CXCL16: variants seen among roughly 807,000 people sequenced by gnomAD.
CXCL16 encodes the protein C-X-C motif chemokine ligand 16, also known as C-X-C motif chemokine 16.
CXCL16 carries 18 observed loss-of-function variants against 23.8 expected under a neutral mutation model. The ratio of observed to expected loss-of-function variants is 0.76; its 90% confidence interval spans 0.52 to 1.12. The LOEUF (loss-of-function observed/expected upper bound fraction) is 1.12. CXCL16 is among the 50% of genes most tolerant of loss of function. The pLI is 0.00. For synonymous variants in CXCL16, 123 were observed against 132.5 expected (o/e 0.93, Z 0.49); for missense variants, 297 against 315.4 (o/e 0.94, Z 0.44).
At position 4,738,448 on chromosome 17, in the gene CXCL16, G is replaced by C; in HGVS notation, c.261C>G (p.Asp87Glu). The change falls in exon 3 of 6, where the codon GAC becomes GAG. Residue 87 changes from aspartate to glutamate, a missense_variant. Transcript: ENST00000293778. The surrounding 1 kb of genome is among the most constrained non-coding windows in gnomAD (Gnocchi z 4.0). Reference protein sequence around the residue: ...LSWSVCGGNKDPWVQELMSCL... With the variant: ...LSWSVCGGNKEPWVQELMSCL... ...AGCTCATCAATTCCTGAACCCATGG[G>C]TCCTTGTTGCCCCCACACACGCTCC... The C allele has an allele frequency of 6.2e-7, 1 of 1,614,110 alleles. No homozygotes were observed. The highest frequency in any genetic ancestry group is 8.5e-7 in the Non-Finnish European group (1 of 1,179,948).
At position 4,738,383 on chromosome 17, in the gene CXCL16, C is replaced by T; in HGVS notation, c.301+25G>A. ...AGCTGCTAAGCCCTGGAGGCAGAGCCTGAAGAGCAGTGGAAAAGTCTCACC... is the reference window on the plus strand; with the variant it reads ...AGCTGCTAAGCCCTGGAGGCAGAGCTTGAAGAGCAGTGGAAAAGTCTCACC... On this transcript the variant is annotated intron_variant, in intron 3 of 5. Transcript: ENST00000293778. This position sits in a 1 kb window ranked among gnomAD's most constrained non-coding sequence, Gnocchi z 4.0. 6.3e-7 allele frequency: 1 copy of T among 1,593,754 alleles called. No homozygotes were observed. Among genetic ancestry groups the T allele is most frequent in the Admixed American group, 1.7e-5 (1 of 59,954 alleles).
chr17:4,734,719 T>C, intron 4 of CXCL16, 67 bp from the exon 5 acceptor site: 1 of 1,296,834 alleles, frequency 7.7e-7, no homozygotes, highest in South Asian at 1.2e-5. Context: ...GGATGATAGC[T>C]TGAACTAGGG....
chr17:4,738,148 A>T lies in CXCL16; in HGVS notation c.301+260T>A, dbSNP rs145205394. On this transcript the variant is annotated intron_variant, in intron 3 of 5. Transcript: ENST00000293778. This position sits in a 1 kb window ranked among gnomAD's most constrained non-coding sequence, Gnocchi z 4.0. The stretch of plus-strand genomic sequence containing the variant: ...CCATCTCAAAAAAATAAAATAAAAT[A>T]GTACTTTGATTTCAAGAAAAATATT... Among the ~76,000 whole-genome samples, 37 of 152,282 alleles carry T rather than the reference A, an allele frequency of 2.4e-4. No individual in the cohort carries two copies. Among genetic ancestry groups the T allele is most frequent in the African/African-American group, 7.5e-4 (31 of 41,558 alleles).
At chr17:4,735,065 G>A (rs548855958) in intron 4 of CXCL16, 27 bp downstream of exon 4, 4 of 1,581,988 alleles carry the variant, frequency 2.5e-6, no homozygotes, top group East Asian at 2.3e-5. Flanking sequence ...TGGGTCCCTG[G>A]GGGGAGGGTT....
intron 3 of CXCL16, among the ~76,000 whole-genome samples, chr17:4,736,972 C>G (rs1916170688): frequency 1.3e-5 from 2 of 151,992 alleles, no homozygotes; most frequent in African/African-American, 4.8e-5. Context: ...CACATGCCAC[C>G]ATGCCTGGCT....
chr17:4,737,342 CTG>C, intron 3 of CXCL16, among the ~76,000 whole-genome samples: 1 of 150,956 alleles, frequency 6.6e-6, no homozygotes, highest in Non-Finnish European at 1.5e-5. Flanking sequence ...CTTTGGGAGG[CTG>C]AGGCAGGTGG....
At position 4,734,604 on chromosome 17, in the gene CXCL16, G is replaced by T. The variant is rs370837718; in HGVS notation, c.*2C>A. On this transcript the variant is annotated 3_prime_UTR_variant, in exon 5 of 6. Transcript: ENST00000293778. Reference sequence around the variant, plus strand: ...TTACCCTCACAAGCTTCCATTCTTGGCTCAGGTATTAGAGTCAGGTGCCAC... The same window carrying T: ...TTACCCTCACAAGCTTCCATTCTTGTCTCAGGTATTAGAGTCAGGTGCCAC... The T allele has an allele frequency of 7.5e-6, 12 of 1,609,222 alleles. No individual in the cohort carries two copies. In the African/African-American group the frequency reaches 1.3e-4, roughly 18 times the overall value.
rs762603304 is a variant in CXCL16, at chr17:4,738,847, C to T, written c.153G>A (p.Ser51=). Residue 51 remains serine, a synonymous_variant, in exon 2 of 6, where the codon TCG becomes TCA. Transcript: ENST00000293778. This position sits in a 1 kb window ranked among gnomAD's most constrained non-coding sequence, Gnocchi z 4.0. ...GKRISSDSPP[S]VQFMNRLRKH... ...TCCGGAGACGATTCATGAACTGAAC[C>T]GATGGCGGGGAGTCGGAAGAAATTC... 1 of 1,614,172 alleles carries T rather than the reference C, an allele frequency of 6.2e-7. No homozygotes were observed. The highest frequency in any genetic ancestry group is 8.5e-7 in the Non-Finnish European group (1 of 1,180,012).
chr17:4,735,281 G>A lies in CXCL16; in HGVS notation c.529C>T (p.His177Tyr). ...PNETTIHTAGHSLAAGPEAGE... is the reference protein window; with the variant it reads ...PNETTIHTAGYSLAAGPEAGE... ...GCCTCAGGCCCAGCTGCCAGACTGT[G>A]GCCCGCAGTGTGAATGGTGGTTTCA... The change falls in exon 4 of 6, where the codon CAC (histidine) becomes TAC (tyrosine). Residue 177 changes from histidine to tyrosine, a missense_variant. Physicochemically the swap from His to Tyr is moderately conservative, Grantham distance 83. Coordinates refer to ENST00000293778, the MANE Select transcript of CXCL16 (RefSeq NM_001386809.1). 6.2e-7 allele frequency: 1 copy of A among 1,614,184 alleles called. No homozygotes were observed. The highest frequency in any genetic ancestry group is 8.5e-7 in the Non-Finnish European group (1 of 1,180,030).
At position 4,739,332 on chromosome 17, in the gene CXCL16, C is replaced by T. The variant is rs151229852; in HGVS notation, c.8G>A (p.Arg3Gln). 1 of 1,612,946 alleles carries T rather than the reference C, an allele frequency of 6.2e-7. No homozygotes were observed. The highest frequency in any genetic ancestry group is 1.3e-5 in the African/African-American group (1 of 74,894). Residue 3 changes from arginine to glutamine, a missense_variant, in exon 1 of 6, where the codon CGG becomes CAG. Physicochemically the swap from Arg to Gln is conservative, Grantham distance 43 (BLOSUM62 1). Transcript: ENST00000293778. This position sits in a 1 kb window ranked among gnomAD's most constrained non-coding sequence, Gnocchi z 5.3. MG[R>Q]DLRPGSRVLL... ...CACGCGGGACCCGGGCCGCAAGTCCCGTCCCATCTCGGGGCTCCGCGGACT... is the reference window on the plus strand; with the variant it reads ...CACGCGGGACCCGGGCCGCAAGTCCTGTCCCATCTCGGGGCTCCGCGGACT...
intron 3 of CXCL16, among the ~76,000 whole-genome samples, chr17:4,737,228 T>C (rs993950516): frequency 2.6e-5 from 4 of 152,194 alleles, no homozygotes; most frequent in Admixed American, 6.6e-5. Flanking sequence ...CTCTACTTAA[T>C]ATACATGCTG....
chr17:4,739,064 GC>G lies in CXCL16; in HGVS notation c.80-145del. On this transcript the variant is annotated intron_variant, in intron 1 of 5. Transcript: ENST00000293778. This position sits in a 1 kb window ranked among gnomAD's most constrained non-coding sequence, Gnocchi z 5.3. ...CCAGGCTCAACCCACACATCATCAC[GC>G]CCCCGACAACATCCATAATCCCGCC... 2.5e-6 allele frequency: 3 copies of G among 1,191,244 alleles called. No individual in the cohort carries two copies. The allele number at this position is 1,191,244 out of a possible 1,614,324, so 73.8% of individuals were successfully genotyped here.
Position 4,735,293 on chromosome 17 carries a change from G to A in CXCL16, c.517C>T (p.His173Tyr), listed in dbSNP as rs542989437. ...ELTRPNETTI[H>Y]TAGHSLAAGP... The stretch of plus-strand genomic sequence containing the variant: ...GCTGCCAGACTGTGGCCCGCAGTGT[G>A]AATGGTGGTTTCATTGGGACGAGTG... Residue 173 changes from histidine (H) to tyrosine (Y), a missense_variant, in exon 4 of 6, where the codon CAC becomes TAC. Transcript: ENST00000293778. The A allele has an allele frequency of 1.2e-6, 2 of 1,614,146 alleles. No homozygotes were observed.
At chr17:4,736,349 A>G (rs891744429) in intron 3 of CXCL16, 9 of 152,300 alleles carry the variant, frequency 5.9e-5, no homozygotes, top group African/African-American at 1.9e-4. Flanking sequence ...CTGAGCTCCA[A>G]CAGAGGGAAG....
intron 3 of CXCL16, among the ~76,000 whole-genome samples, chr17:4,737,121 T>C (rs1916175854): frequency 6.6e-6 from 1 of 152,078 alleles, no homozygotes; most frequent in Admixed American, 6.5e-5. Context: ...TGGCCTCTAC[T>C]TAAGTTTTCA....
Position 4,734,129 on chromosome 17 carries a change from C to T in CXCL16, c.*374G>A, listed in dbSNP as rs1435018082. 1 of 159,976 alleles carries T rather than the reference C, an allele frequency of 6.3e-6. No homozygotes were observed. Among genetic ancestry groups the T allele is most frequent in the Non-Finnish European group, 1.4e-5 (1 of 72,542 alleles). The allele number at this position is 159,976 out of a possible 1,614,324, so 9.9% of individuals were successfully genotyped here. On this transcript the variant is annotated 3_prime_UTR_variant, in exon 6 of 6. Coordinates refer to ENST00000293778, the MANE Select transcript of CXCL16 (RefSeq NM_001386809.1). The stretch of plus-strand genomic sequence containing the variant: ...GAGGAGGCAGGAGAATCGCTTGAAC[C>T]TGGGAGATGGGGGTTGCAGTGAGCC...
rs545585833 is a variant in CXCL16 at position 4,733,642 on chromosome 17, TGA to T, written c.*859_*860del. The T allele has an allele frequency of 3.1e-3, 492 of 160,488 alleles. 2 individuals carry two copies. The highest frequency in any genetic ancestry group is 0.011 in the African/African-American group (464 of 41,632). The allele number at this position is 160,488 out of a possible 1,614,324, so 9.9% of individuals were successfully genotyped here. A position where few individuals can be genotyped will look rare whatever the true frequency, so the allele number is the denominator to read the frequency against. ...ACTCTCACTGGGGTAGGCAAGGGAC[TGA>T]GGAGGTGAAACCAACCCGTATGGTG... On this transcript the variant is annotated 3_prime_UTR_variant, in exon 6 of 6. Coordinates refer to ENST00000293778, the MANE Select transcript of CXCL16 (RefSeq NM_001386809.1).
Position 4,734,239 on chromosome 17 carries a change from C to A in CXCL16, c.*264G>T. The A allele has an allele frequency of 5.1e-6, 1 of 196,216 alleles. No homozygotes were observed. The highest frequency in any genetic ancestry group is 1.1e-5 in the Non-Finnish European group (1 of 93,834). The allele number at this position is 196,216 out of a possible 1,614,324, so 12.2% of individuals were successfully genotyped here. ...GCAAAGCAAAACAAAACAAAATACA[C>A]ATAGAATTTGTCCAAGTTATTATCA... On this transcript the variant is annotated 3_prime_UTR_variant, in exon 6 of 6. Coordinates refer to ENST00000293778, the MANE Select transcript of CXCL16 (RefSeq NM_001386809.1).
chr17:4,738,968 C>T lies in CXCL16; in HGVS notation c.80-48G>A. 1 of 1,599,150 alleles carries T rather than the reference C, an allele frequency of 6.3e-7. No homozygotes were observed. The highest frequency in any genetic ancestry group is 2.2e-5 in the East Asian group (1 of 44,782). ...GCACCCATTCCCAGGCCCAGGGTCC[C>T]CACTCCGCTGTTCCCTGGCATCCAA... On this transcript the variant is annotated intron_variant, in intron 1 of 5. Coordinates refer to ENST00000293778, the MANE Select transcript of CXCL16 (RefSeq NM_001386809.1). The surrounding 1 kb of genome is among the most constrained non-coding windows in gnomAD (Gnocchi z 4.0).
Sources: allele counts gnomAD v4.1 joint callset (sites outside exome capture counted in the v4.1 genomes callset), GRCh38; gene constraint gnomAD v4.1.1; non-coding constraint Gnocchi (gnomAD v3.1); transcripts MANE v1.5; gene names NCBI Gene and HGNC (gene_info 2026-07-23, HGNC 2026-07-21).